The following GAS7 variants were observed in gnomAD, a reference collection of about 807,000 sequenced individuals.
GAS7 encodes the protein growth arrest specific 7.
Under a neutral mutation model 71.1 loss-of-function variants are expected in GAS7, and 28 were observed. The observed-to-expected ratio is 0.39, with a 90% confidence interval of 0.29 to 0.54. The LOEUF (loss-of-function observed/expected upper bound fraction) is 0.54. Ranked by LOEUF, GAS7 falls within the 20% of genes least tolerant of loss-of-function variation. GAS7 has a pLI of 0.62. For synonymous variants in GAS7, 258 were observed against 245.8 expected (o/e 1.05, Z -0.46); for missense variants, 436 against 627.8 (o/e 0.69, Z 3.27).
chr17:9,958,941 GA>G, intron 5 of GAS7: 3 of 1,379,270 alleles, frequency 2.2e-6, no homozygotes, highest in East Asian at 2.7e-5. Flanking sequence ...CTCCTGCCCT[GA>G]AAAAACGGCT....
rs1387925942 is a variant in GAS7 at position 9,974,233 on chromosome 17, CCT to C, written c.386-4473_386-4472del. The stretch of plus-strand genomic sequence containing the variant: ...CCACGTAGCAGCTCTCCTCGGACAC[CCT>C]GTCTGGCTGCGTTATCACTTGAAGT... On this transcript the variant is annotated intron_variant, in intron 3 of 13. Transcript: ENST00000432992. This position sits in a 1 kb window ranked among gnomAD's most constrained non-coding sequence, Gnocchi z 4.0. Among the ~76,000 whole-genome samples, 2 of 152,180 alleles carry C rather than the reference CCT, an allele frequency of 1.3e-5. No individual in the cohort carries two copies. Among genetic ancestry groups the C allele is most frequent in the Non-Finnish European group, 2.9e-5 (2 of 68,026 alleles).
intron 6 of GAS7, among the ~76,000 whole-genome samples, chr17:9,945,716 A>G (rs2152096771): frequency 6.6e-6 from 1 of 152,136 alleles, no homozygotes; most frequent in South Asian, 2.1e-4. Context: ...CATGCCTGTA[A>G]TCCCAGCACT....
intron 1 of GAS7, among the ~76,000 whole-genome samples, chr17:10,135,511 G>C (rs1447455332): frequency 2.0e-5 from 3 of 152,194 alleles, no homozygotes; most frequent in African/African-American, 7.2e-5. Flanking sequence ...TTCGATTAAG[G>C]GGGTGAGCAG....
At chr17:10,002,584 G>A (rs1188319675) in intron 2 of GAS7, among the ~76,000 whole-genome samples, 1 of 151,696 alleles carries the variant, frequency 6.6e-6, no homozygotes, top group African/African-American at 2.4e-5. Context: ...CAACAGGCCC[G>A]GGTGTGTGAT....
At chr17:10,130,777 A>AT (rs1445831859) in intron 1 of GAS7, among the ~76,000 whole-genome samples, 3 of 152,234 alleles carry the variant, frequency 2.0e-5, no homozygotes, top group African/African-American at 7.2e-5. Context: ...ATATTGTTCT[A>AT]TTTATAAGCA....
Position 10,198,401 on chromosome 17 carries a change from C to A in GAS7, c.-11G>T. ...GCGAGCGCCGGACATGGCCTTGGCG[C>A]CCGGGTTCACAGCGCAGCCTGCATT... On this transcript the variant is annotated 5_prime_UTR_variant, in exon 1 of 14. Coordinates refer to ENST00000432992, the MANE Select transcript of GAS7 (RefSeq NM_201433.2). The A allele has an allele frequency of 6.4e-7, 1 of 1,566,072 alleles. No homozygotes were observed.
chr17:10,156,855 A>C (rs920620601), intron 1 of GAS7, among the ~76,000 whole-genome samples: 8 of 151,686 alleles, frequency 5.3e-5, no homozygotes, highest in Middle Eastern at 3.2e-3. Context: ...AGCCTCTATA[A>C]ACAGCCCCTC....
intron 1 of GAS7, among the ~76,000 whole-genome samples, chr17:10,058,484 T>C (rs978931800): frequency 2.0e-5 from 3 of 151,450 alleles, no homozygotes; most frequent in African/African-American, 7.3e-5. Context: ...AAATGTTTGA[T>C]GTTATAGGAG....
At chr17:10,158,336 T>TAAAAAAAAA (rs58514810) in intron 1 of GAS7, among the ~76,000 whole-genome samples, 96 of 83,336 alleles carry the variant, frequency 1.2e-3, no homozygotes, top group African/African-American at 3.7e-3. Context: ...CTTTTTTTGG[T>TAAAAAAAAA]AAAAAAAAAA....
At chr17:9,948,396 T>C (rs964015316) in intron 5 of GAS7, among the ~76,000 whole-genome samples, 2 of 152,180 alleles carry the variant, frequency 1.3e-5, no homozygotes, top group African/African-American at 2.4e-5. Flanking sequence ...AAAATTATAA[T>C]CTGGGGGGCC....
intron 1 of GAS7, among the ~76,000 whole-genome samples, chr17:10,050,693 C>A (rs1345735347): frequency 6.6e-6 from 1 of 152,192 alleles, no homozygotes; most frequent in Non-Finnish European, 1.5e-5. Flanking sequence ...GCCAGGCAAA[C>A]CCCACGAAAG....
At chr17:10,152,214 TG>T (rs1208436350) in intron 1 of GAS7, among the ~76,000 whole-genome samples, 1 of 152,166 alleles carries the variant, frequency 6.6e-6, no homozygotes, top group East Asian at 1.9e-4. Context: ...CAAAGTCACA[TG>T]GCGGGGTGAG....
chr17:10,154,606 A>ATCACTTGAGGCTG (rs2074190823), intron 1 of GAS7, among the ~76,000 whole-genome samples: 1 of 152,104 alleles, frequency 6.6e-6, no homozygotes, highest in Non-Finnish European at 1.5e-5. Context: ...TGAGGCCAGG[A>ATCACTTGAGGCTG]GTTTGAGACC....
chr17:10,073,105 A>AT (rs1009780016), intron 1 of GAS7, among the ~76,000 whole-genome samples: 4 of 152,158 alleles, frequency 2.6e-5, no homozygotes, highest in African/African-American at 9.7e-5. Flanking sequence ...TGGGATTTTG[A>AT]TTGCATACAC....
intron 5 of GAS7, among the ~76,000 whole-genome samples, chr17:9,951,378 G>C (rs1240262102): frequency 1.3e-5 from 2 of 152,230 alleles, no homozygotes; most frequent in East Asian, 3.8e-4. Context: ...TGCCCTGCGG[G>C]CATCTCTCCC....
intron 2 of GAS7, among the ~76,000 whole-genome samples, chr17:9,986,455 A>G (rs2070652494): frequency 6.6e-6 from 1 of 152,126 alleles, no homozygotes; most frequent in Non-Finnish European, 1.5e-5. Context: ...CGGACCCAAA[A>G]TAACATCTGG....
chr17:10,041,918 A>C (rs1040898189), intron 1 of GAS7, among the ~76,000 whole-genome samples: 2 of 152,154 alleles, frequency 1.3e-5, no homozygotes, highest in African/African-American at 4.8e-5. Flanking sequence ...TTTTCGTTTC[A>C]GTCAAGTTGA....
chr17:10,021,839 TGTGTGC>T (rs1418425524), intron 1 of GAS7, among the ~76,000 whole-genome samples: 2 of 152,166 alleles, frequency 1.3e-5, no homozygotes, highest in East Asian at 1.9e-4. Context: ...TGTGTGCGTG[TGTGTGC>T]GTGTGCATGC....
intron 1 of GAS7, among the ~76,000 whole-genome samples, chr17:10,099,831 G>A (rs917416260): frequency 6.6e-6 from 1 of 152,142 alleles, no homozygotes; most frequent in Admixed American, 6.5e-5. Context: ...AAACCTAAGA[G>A]TGTAATTCGT....
Sources: allele counts gnomAD v4.1 joint callset (sites outside exome capture counted in the v4.1 genomes callset), GRCh38; gene constraint gnomAD v4.1.1; non-coding constraint Gnocchi (gnomAD v3.1); transcripts MANE v1.5; gene names NCBI Gene and HGNC (gene_info 2026-07-23, HGNC 2026-07-21).